The following BACH2 variants were observed in gnomAD, a reference collection of about 807,000 sequenced individuals.
BACH2 encodes the protein transcription regulator protein BACH2.
BACH2 carries 5 observed loss-of-function variants against 61.8 expected under a neutral mutation model. That is an observed-to-expected ratio of 0.08 (90% CI 0.04 to 0.17). The LOEUF (loss-of-function observed/expected upper bound fraction) is 0.17. Among genes scored for constraint, BACH2 ranks in the 10% least tolerant of loss-of-function variants. BACH2 has a pLI of 1.00. For missense variants in BACH2, 824 were observed against 1,091.1 expected, an observed-to-expected ratio of 0.76 and a Z score of 3.45; for synonymous variants, 446 against 440.1, an observed-to-expected ratio of 1.01 and a Z score of -0.17.
In BACH2 at chr6:89,937,902, A is replaced by G. The variant is rs779968277; in HGVS notation, c.2043+242T>C. 3.3e-5 allele frequency among the ~76,000 whole-genome samples: 5 copies of G among 152,244 alleles called. No homozygotes were observed. In the South Asian group the frequency reaches 6.2e-4, roughly 19 times the overall value. On this transcript the variant is annotated intron_variant, in intron 8 of 8. Transcript: ENST00000257749. Reference sequence around the variant, plus strand: ...CCTCTATATGAATAATGACTGAAGGATATAAAATATTGACACACTATTACA... The same window carrying G: ...CCTCTATATGAATAATGACTGAAGGGTATAAAATATTGACACACTATTACA...
In BACH2 at chr6:89,951,209, G is replaced by A. The variant is rs776817845; in HGVS notation, c.897C>T (p.Asp299=). Reference sequence around the variant, plus strand: ...CGACATCCCCCGCTCTGTCCTTGGCGTCAGGCTCATCTCCAGACAGGCAGA... The same window carrying A: ...CGACATCCCCCGCTCTGTCCTTGGCATCAGGCTCATCTCCAGACAGGCAGA... ...ITLCLSGDEP[D]AKDRAGDVEM... is the part of the protein sequence containing the mutation. Residue 299 remains aspartate (D), a synonymous_variant, in exon 7 of 9, where the codon GAC becomes GAT. Coordinates refer to ENST00000257749, the MANE Select transcript of BACH2 (RefSeq NM_021813.4). The surrounding 1 kb of genome is among the most constrained non-coding windows in gnomAD (Gnocchi z 6.4). 1.6e-5 allele frequency: 26 copies of A among 1,613,896 alleles called. No individual in the cohort carries two copies. Among genetic ancestry groups the A allele is most frequent in the Non-Finnish European group, 2.1e-5 (25 of 1,180,028 alleles).
At chr6:90,204,389 C>T (rs1351952847) in intron 4 of BACH2, among the ~76,000 whole-genome samples, 5 of 152,228 alleles carry the variant, frequency 3.3e-5, no homozygotes, top group South Asian at 2.1e-4. Context: ...GTTTCCTCCC[C>T]AGAGAGTGAC....
At chr6:90,069,442 T>C (rs1237593341) in intron 5 of BACH2, among the ~76,000 whole-genome samples, 1 of 152,228 alleles carries the variant, frequency 6.6e-6, no homozygotes, top group African/African-American at 2.4e-5. Flanking sequence ...ATTTAGCAAT[T>C]TGCTATGTCT....
chr6:90,045,365 G>T (rs548860164), intron 5 of BACH2, among the ~76,000 whole-genome samples: 1 of 152,296 alleles, frequency 6.6e-6, no homozygotes, highest in African/African-American at 2.4e-5. Context: ...TCTTATCACA[G>T]CATGTTGTGC....
chr6:90,107,583 A>C (rs930403963), intron 4 of BACH2, among the ~76,000 whole-genome samples: 3 of 151,834 alleles, frequency 2.0e-5, no homozygotes, highest in Admixed American at 2.0e-4. Flanking sequence ...TCTGGCTAGG[A>C]TTGAGCTTAC....
intron 4 of BACH2, among the ~76,000 whole-genome samples, chr6:90,128,506 G>C (rs1046799596): frequency 6.6e-6 from 1 of 152,110 alleles, no homozygotes; most frequent in Non-Finnish European, 1.5e-5. Flanking sequence ...GCTTGAACCT[G>C]GGGGGCGGAG....
intron 4 of BACH2, among the ~76,000 whole-genome samples, chr6:90,130,912 C>T (rs1024925273): frequency 2.6e-5 from 4 of 152,314 alleles, no homozygotes; most frequent in Middle Eastern, 3.4e-3. Context: ...TCTGATACTA[C>T]CTGCTTTACA....
At chr6:90,261,382 A>C (rs1040214385) in intron 2 of BACH2, among the ~76,000 whole-genome samples, 3 of 152,108 alleles carry the variant, frequency 2.0e-5, no homozygotes, top group African/African-American at 7.2e-5. Flanking sequence ...AAGAATATTA[A>C]AAAAATGTTC....
At chr6:89,966,627 C>T (rs1042944325) in intron 6 of BACH2, among the ~76,000 whole-genome samples, 1 of 152,176 alleles carries the variant, frequency 6.6e-6, no homozygotes, top group Non-Finnish European at 1.5e-5. Context: ...TGAATCTTTT[C>T]TATATGTTAT....
At position 90,114,040 on chromosome 6, in the gene BACH2, C is replaced by T. The variant is rs888420266; in HGVS notation, c.-161-24931G>A. On this transcript the variant is annotated intron_variant, in intron 4 of 8. Coordinates refer to ENST00000257749, the MANE Select transcript of BACH2 (RefSeq NM_021813.4). Reference sequence around the variant, plus strand: ...AATCAGCAATAAATAGCTTAGCAACCGAAAAAGCGCAAGACCTGATGGATT... The same window carrying T: ...AATCAGCAATAAATAGCTTAGCAACTGAAAAAGCGCAAGACCTGATGGATT... Among the ~76,000 whole-genome samples, 6 of 151,876 alleles carry T rather than the reference C, an allele frequency of 4.0e-5. No individual in the cohort carries two copies. In the East Asian group the frequency reaches 7.7e-4, roughly 20 times the overall value.
intron 4 of BACH2, among the ~76,000 whole-genome samples, chr6:90,137,280 T>C (rs1445843564): frequency 6.6e-6 from 1 of 152,192 alleles, no homozygotes; most frequent in Non-Finnish European, 1.5e-5. Context: ...CTAAAGTATA[T>C]GCTATCTGAG....
rs540889165 is a variant in BACH2 at position 90,102,600 on chromosome 6, C to T, written c.-161-13491G>A. Among the ~76,000 whole-genome samples the T allele has an allele frequency of 7.2e-5, 11 of 151,880 alleles. No homozygotes were observed. The East Asian group carries it at 2.1e-3, about 29-fold the overall frequency. ...GGTCAGGAGTTCAAGACCAGCCTGGCCAACATGGTGAAACCCTGTCTCTAC... is the reference window on the plus strand; with the variant it reads ...GGTCAGGAGTTCAAGACCAGCCTGGTCAACATGGTGAAACCCTGTCTCTAC... On this transcript the variant is annotated intron_variant, in intron 4 of 8. Coordinates refer to ENST00000257749, the MANE Select transcript of BACH2 (RefSeq NM_021813.4).
intron 4 of BACH2, among the ~76,000 whole-genome samples, chr6:90,201,389 A>C (rs145016404): frequency 6.6e-6 from 1 of 152,216 alleles, no homozygotes; most frequent in Non-Finnish European, 1.5e-5. Context: ...GGTGAAAAAT[A>C]CTATCTCATC....
In BACH2 at chr6:90,020,438, A is replaced by T. The variant is rs192322253; in HGVS notation, c.-12-11582T>A. On this transcript the variant is annotated intron_variant, in intron 5 of 8. Coordinates refer to ENST00000257749, the MANE Select transcript of BACH2 (RefSeq NM_021813.4). Reference sequence around the variant, plus strand: ...TATCATGAGAGTGGGTTTGTTACAAAAGTCACTTTGGCCCTCTCTCATGAG... The same window carrying T: ...TATCATGAGAGTGGGTTTGTTACAATAGTCACTTTGGCCCTCTCTCATGAG... Among the ~76,000 whole-genome samples, 44 of 152,144 alleles carry T rather than the reference A, an allele frequency of 2.9e-4. No homozygotes were observed. In the East Asian group the frequency reaches 7.9e-3, roughly 27 times the overall value.
intron 4 of BACH2, among the ~76,000 whole-genome samples, chr6:90,122,254 A>G (rs1783659562): frequency 6.6e-6 from 1 of 152,232 alleles, no homozygotes; most frequent in African/African-American, 2.4e-5. Context: ...TCGGCAAAGT[A>G]TTTTTGAGAA....
chr6:90,058,312 A>G (rs1202426805), intron 5 of BACH2, among the ~76,000 whole-genome samples: 1 of 152,232 alleles, frequency 6.6e-6, no homozygotes, highest in Admixed American at 6.5e-5. Context: ...ATCCACAAGC[A>G]TTCTTATACA....
chr6:89,938,751 C>G (rs1300939721), intron 7 of BACH2, among the ~76,000 whole-genome samples: 2 of 152,080 alleles, frequency 1.3e-5, no homozygotes, highest in African/African-American at 4.8e-5. Flanking sequence ...ATCTAAAGCC[C>G]CTGAATGAAG....
chr6:90,030,362 G>C (rs1223904930), intron 5 of BACH2, among the ~76,000 whole-genome samples: 10 of 152,084 alleles, frequency 6.6e-5, no homozygotes, highest in Non-Finnish European at 2.9e-5. Context: ...GCCTGGGTTT[G>C]AGAGAAGATG....
At chr6:90,149,109 C>T (rs151335993) in intron 4 of BACH2, among the ~76,000 whole-genome samples, 136 of 152,200 alleles carry the variant, frequency 8.9e-4, no homozygotes, top group African/African-American at 3.0e-3. Context: ...GGAAGTGATG[C>T]GGATGTATGA....
Sources: gnomAD v4.1 joint callset for allele counts (sites outside exome capture counted in the v4.1 genomes callset) on GRCh38, gnomAD v4.1.1 for gene constraint, Gnocchi (gnomAD v3.1) non-coding constraint, MANE v1.5 for transcripts, NCBI Gene and HGNC (gene_info 2026-07-23, HGNC 2026-07-21) for gene names.